Variants in ARPP21 observed in about 807,000 individuals in gnomAD.
ARPP21 encodes the protein cAMP regulated phosphoprotein 21.
Under a neutral mutation model 113.2 loss-of-function variants are expected in ARPP21, and 69 were observed. The ratio of observed to expected loss-of-function variants is 0.61; its 90% CI spans 0.50 to 0.74. ARPP21 has a LOEUF of 0.74. Ranked by LOEUF, ARPP21 falls within the 30% of genes least tolerant of loss-of-function variation. The pLI is 0.00. For synonymous variants in ARPP21, 368 were observed against 375.5 expected (o/e 0.98, Z 0.23); for missense variants, 1,070 against 1,037.4 (o/e 1.03, Z -0.43).
chr3:35,703,132 G>A (rs1214569470), intron 9 of ARPP21, among the ~76,000 whole-genome samples: 1 of 151,762 alleles, frequency 6.6e-6, no homozygotes, highest in Non-Finnish European at 1.5e-5. Flanking sequence ...GGAAAATAAG[G>A]GAAGGATTAA....
At chr3:35,646,178 C>A (rs1295061390) in intron 1 of ARPP21, among the ~76,000 whole-genome samples, 3 of 151,982 alleles carry the variant, frequency 2.0e-5, no homozygotes, top group African/African-American at 4.8e-5. Context: ...TTCAATGACT[C>A]CTCGTAATTG....
At chr3:35,792,321 C>T in intron 19 of ARPP21, 61 bp from the exon 20 acceptor site, 1 of 1,509,170 alleles carries the variant, frequency 6.6e-7, no homozygotes, top group Non-Finnish European at 9.2e-7. Context: ...TAGTTTTACC[C>T]CATGAAACAT....
At chr3:35,789,540 C>A (rs921125835) in intron 19 of ARPP21, among the ~76,000 whole-genome samples, 4 of 152,138 alleles carry the variant, frequency 2.6e-5, no homozygotes, top group Non-Finnish European at 4.4e-5. Flanking sequence ...GTATTCACTC[C>A]CCACATAAAT....
intron 1 of ARPP21, among the ~76,000 whole-genome samples, chr3:35,647,112 T>C (rs1415591603): frequency 2.6e-5 from 4 of 152,176 alleles, no homozygotes; most frequent in African/African-American, 7.2e-5. Context: ...CTCTGACAAC[T>C]GAATGCCTTA....
rs990516874 is a variant in ARPP21 at position 35,792,175 on chromosome 3, A to G, written c.2138-207A>G. 4.6e-5 allele frequency: 26 copies of G among 564,120 alleles called. No homozygotes were observed. The South Asian group carries it at 6.0e-4, about 13-fold the overall frequency. 34.9% of individuals were successfully genotyped at this position (564,120 alleles called of 1,614,324 possible). ...CATTCTGCATAACAATAGAAATGTC[A>G]GTGAATTTTTAAAGCCATAATCTTG... On this transcript the variant is annotated intron_variant, in intron 19 of 20. Coordinates refer to ENST00000684406, the MANE Select transcript of ARPP21 (RefSeq NM_001385562.1).
chr3:35,720,904 G>A (rs2092998187), intron 13 of ARPP21, among the ~76,000 whole-genome samples: 1 of 152,136 alleles, frequency 6.6e-6, no homozygotes, highest in Non-Finnish European at 1.5e-5. Context: ...CCCTTGGAAA[G>A]TTTTGTGTCA....
At chr3:35,746,453 A>G (rs1022247135) in intron 19 of ARPP21, among the ~76,000 whole-genome samples, 6 of 152,192 alleles carry the variant, frequency 3.9e-5, no homozygotes, top group African/African-American at 1.4e-4. Context: ...CTCTTCAGAT[A>G]ACTGTATAAG....
In ARPP21 at chr3:35,640,124, C is replaced by A. The variant is rs555406398; in HGVS notation, c.-487C>A. 44 of 152,428 alleles carry A rather than the reference C, an allele frequency of 2.9e-4. No homozygotes were observed. The highest frequency in any genetic ancestry group is 1.0e-3 in the African/African-American group (43 of 41,568). 9.4% of individuals were successfully genotyped at this position (152,428 alleles called of 1,614,324 possible). A position where few individuals can be genotyped will look rare whatever the true frequency, so the allele number is the denominator to read the frequency against. ...GGGCAGCGGGGACACAAGCCGCGAC[C>A]GAGCCGCCGCCGCAGCCCTGGCTGC... On this transcript the variant is annotated 5_prime_UTR_variant, in exon 1 of 21. Transcript: ENST00000684406.
chr3:35,685,564 A>G (rs1320401476), intron 5 of ARPP21: 1 of 984,910 alleles, frequency 1.0e-6, no homozygotes, highest in East Asian at 1.1e-4. Context: ...TATACAGTAT[A>G]TGGATTGTAT....
chr3:35,794,132 G>T lies in ARPP21; in HGVS notation c.*174G>T, dbSNP rs2096797268. On this transcript the variant is annotated 3_prime_UTR_variant, in exon 21 of 21. Coordinates refer to ENST00000684406, the MANE Select transcript of ARPP21 (RefSeq NM_001385562.1). The stretch of plus-strand genomic sequence containing the variant: ...ATATACACGTTAGCTGGTTAATGGT[G>T]CATATTTCTGTCATGTCTGCTAGGT... 1 of 635,342 alleles carries T rather than the reference G, an allele frequency of 1.6e-6. No homozygotes were observed. Among genetic ancestry groups the T allele is most frequent in the African/African-American group, 1.8e-5 (1 of 54,700 alleles). 39.4% of individuals were successfully genotyped at this position (635,342 alleles called of 1,614,324 possible).
chr3:35,644,156 A>G (rs1329258348), intron 1 of ARPP21, among the ~76,000 whole-genome samples: 1 of 151,914 alleles, frequency 6.6e-6, no homozygotes, highest in African/African-American at 2.4e-5. Context: ...AAATATTAAC[A>G]AGATGTATCT....
At chr3:35,687,004 A>G (rs1216242644) in intron 5 of ARPP21, among the ~76,000 whole-genome samples, 1 of 151,388 alleles carries the variant, frequency 6.6e-6, no homozygotes, top group Non-Finnish European at 1.5e-5. Context: ...TATATTTTGG[A>G]AAGGACTAAC....
At chr3:35,662,757 C>T (rs1001626128) in intron 1 of ARPP21, among the ~76,000 whole-genome samples, 3 of 152,108 alleles carry the variant, frequency 2.0e-5, no homozygotes, top group African/African-American at 7.2e-5. Flanking sequence ...CAACAAGAGG[C>T]AACAAGACCT....
chr3:35,789,282 A>C (rs923966054), intron 19 of ARPP21, among the ~76,000 whole-genome samples: 1 of 152,196 alleles, frequency 6.6e-6, no homozygotes, highest in Admixed American at 6.5e-5. Flanking sequence ...GTTCATTCAT[A>C]GGTCACTGCT....
chr3:35,643,206 G>A (rs1480617478), intron 1 of ARPP21, among the ~76,000 whole-genome samples: 3 of 152,062 alleles, frequency 2.0e-5, no homozygotes, highest in African/African-American at 7.2e-5. Context: ...TGCTTAAGTA[G>A]TTGCAAGGTT....
In ARPP21 at chr3:35,706,978, G is replaced by C. The variant is rs777937451; in HGVS notation, c.691G>C (p.Glu231Gln). The C allele has an allele frequency of 6.2e-7, 1 of 1,613,082 alleles. No individual in the cohort carries two copies. The highest frequency in any genetic ancestry group is 1.7e-5 in the Admixed American group (1 of 59,872). The change falls in exon 10 of 21, where the codon GAG (glutamate) becomes CAG (glutamine). Residue 231 changes from glutamate to glutamine, a missense_variant. Transcript: ENST00000684406. ...INKTSSTRIP[E>Q]QRFCEHLKDE... ...TATGTTTTACTTTGCTGGCAGACCA[G>C]AGCAAAGGTTTTGTGAACATTTAAA...
intron 19 of ARPP21, among the ~76,000 whole-genome samples, chr3:35,763,484 T>G (rs2151352836): frequency 6.6e-6 from 1 of 152,184 alleles, no homozygotes; most frequent in South Asian, 2.1e-4. Flanking sequence ...AGGTGTGGAG[T>G]TGAGTACTGG....
intron 19 of ARPP21, among the ~76,000 whole-genome samples, chr3:35,788,864 G>T (rs2096685650): frequency 6.6e-6 from 1 of 152,126 alleles, no homozygotes; most frequent in Non-Finnish European, 1.5e-5. Flanking sequence ...TTTTCAGATT[G>T]ATACAATGCA....
chr3:35,779,506 C>G (rs926469482), intron 19 of ARPP21, among the ~76,000 whole-genome samples: 1 of 151,934 alleles, frequency 6.6e-6, no homozygotes, highest in African/African-American at 2.4e-5. Context: ...TCAGCTGCAG[C>G]ACCCAGAGTT....
Sources: gnomAD v4.1 joint callset for allele counts (sites outside exome capture counted in the v4.1 genomes callset) on GRCh38, gnomAD v4.1.1 for gene constraint, MANE v1.5 for transcripts, NCBI Gene and HGNC (gene_info 2026-07-23, HGNC 2026-07-21) for gene names.